GPD2: variants seen among roughly 807,000 people sequenced by gnomAD.
GPD2 encodes glycerol-3-phosphate dehydrogenase 2.
A neutral mutation model predicts 82.4 loss-of-function variants in GPD2; 54 were observed. That is an observed-to-expected ratio of 0.66 (90% confidence interval 0.53 to 0.82). GPD2 has a LOEUF of 0.82. GPD2 is among the 40% of genes least tolerant of loss of function. GPD2 has a pLI of 0.00. For synonymous variants in GPD2, 288 were observed against 306.1 expected, an observed-to-expected ratio of 0.94 and a Z score of 0.62; for missense variants, 748 against 896.2, an observed-to-expected ratio of 0.83 and a Z score of 2.11.
In GPD2 at chr2:156,586,288, T is replaced by C. The variant is rs1395123268; in HGVS notation, c.*3370T>C. ...AGTGAAATATCTACAGAGATAGATG[T>C]AATTTTATAAGACTGCCAGAATTAT... On this transcript the variant is annotated 3_prime_UTR_variant, in exon 17 of 17. Transcript: ENST00000438166. 1 of 152,334 alleles carries C rather than the reference T, an allele frequency of 6.6e-6. No individual in the cohort carries two copies. 9.4% of individuals were successfully genotyped at this position (152,334 alleles called of 1,614,324 possible).
intron 2 of GPD2, among the ~76,000 whole-genome samples, chr2:156,481,322 C>T (rs1303055917): frequency 6.6e-6 from 1 of 152,064 alleles, no homozygotes; most frequent in East Asian, 1.9e-4. Flanking sequence ...CATTAAAAAT[C>T]CTCTCTTGTA....
chr2:156,507,035 A>T (rs1226210139), intron 3 of GPD2, among the ~76,000 whole-genome samples: 1 of 151,678 alleles, frequency 6.6e-6, no homozygotes, highest in African/African-American at 2.4e-5. Context: ...TTTTCTTGAG[A>T]CGGAGTCTCA....
At chr2:156,430,950 A>G (rs1688309824), upstream of GPD2, among the ~76,000 whole-genome samples, 1 of 152,228 alleles carries the variant, frequency 6.6e-6, no homozygotes, top group Middle Eastern at 3.2e-3. Flanking sequence ...CTTCTTGCTC[A>G]TTTTGTTACA....
Position 156,550,756 on chromosome 2 carries a change from T to C in GPD2, c.971+10T>C, listed in dbSNP as rs199941903. 1.4e-5 allele frequency: 23 copies of C among 1,611,666 alleles called. No individual in the cohort carries two copies. In the East Asian group the frequency reaches 5.1e-4, roughly 36 times the overall value. ...TGCCTGGTTATTACAGGTAATTGTCTTCCAATGTGGCAGTTGTCACCCAAA... is the reference window on the plus strand; with the variant it reads ...TGCCTGGTTATTACAGGTAATTGTCCTCCAATGTGGCAGTTGTCACCCAAA... On this transcript the variant is annotated intron_variant, in intron 8 of 16. Coordinates refer to ENST00000438166, the MANE Select transcript of GPD2 (RefSeq NM_000408.5).
At chr2:156,461,035 G>A (rs1220772164) in intron 1 of GPD2, among the ~76,000 whole-genome samples, 1 of 151,996 alleles carries the variant, frequency 6.6e-6, no homozygotes, top group African/African-American at 2.4e-5. Context: ...GGGGGTCATT[G>A]GTGTCATTTG....
intron 8 of GPD2, among the ~76,000 whole-genome samples, chr2:156,554,143 C>T (rs1405892602): frequency 1.3e-5 from 2 of 152,204 alleles, no homozygotes; most frequent in East Asian, 3.8e-4. Context: ...GTACTTCTGG[C>T]ATCCCATAGG....
chr2:156,400,767 TG>T, the GPD2 span, among the ~76,000 whole-genome samples: 6 of 152,310 alleles, frequency 3.9e-5, no homozygotes, highest in Admixed American at 3.3e-4. Context: ...TGCTTTCGGC[TG>T]GGGGATGTAG....
intron 3 of GPD2, among the ~76,000 whole-genome samples, 180 bp from the exon 4 acceptor site, chr2:156,510,616 C>T (rs1684960361): frequency 6.6e-6 from 1 of 152,160 alleles, no homozygotes; most frequent in African/African-American, 2.4e-5. Context: ...GACTTTTCCC[C>T]CAGGAAGAGC....
chr2:156,572,146 T>G (rs1481185014), intron 13 of GPD2, among the ~76,000 whole-genome samples: 1 of 152,140 alleles, frequency 6.6e-6, no homozygotes, highest in Non-Finnish European at 1.5e-5. Context: ...CTCTTGGATC[T>G]CCTTTTACCT....
chr2:156,451,196 G>T (rs1682552405), intron 1 of GPD2, among the ~76,000 whole-genome samples: 1 of 152,066 alleles, frequency 6.6e-6, no homozygotes, highest in Non-Finnish European at 1.5e-5. Flanking sequence ...CCCAGACGGG[G>T]TGGTGGCCGG....
chr2:156,498,959 T>C (rs1684487031), intron 3 of GPD2, among the ~76,000 whole-genome samples: 1 of 152,180 alleles, frequency 6.6e-6, no homozygotes. Context: ...ACCAACCTAA[T>C]AGTAGAAGGC....
intron 8 of GPD2, among the ~76,000 whole-genome samples, chr2:156,552,328 C>G (rs1280730154): frequency 6.6e-6 from 1 of 152,110 alleles, no homozygotes; most frequent in Non-Finnish European, 1.5e-5. Flanking sequence ...TGACCAGAAG[C>G]TTAGTTCAAA....
chr2:156,511,015 A>C, intron 4 of GPD2, 95 bp downstream of exon 4: 1 of 1,052,928 alleles, frequency 9.5e-7, no homozygotes, highest in Non-Finnish European at 1.5e-6. Context: ...GCTTAAAAGC[A>C]TTTCTTCCTG....
intron 1 of GPD2, among the ~76,000 whole-genome samples, chr2:156,452,327 G>A (rs10933036): frequency 4.6e-5 from 7 of 152,266 alleles, no homozygotes; most frequent in African/African-American, 1.2e-4. Context: ...CGAGGCTGGC[G>A]GATCACTCGC....
intron 6 of GPD2, among the ~76,000 whole-genome samples, chr2:156,515,171 A>T (rs1685153806): frequency 6.6e-6 from 1 of 152,090 alleles, no homozygotes; most frequent in Non-Finnish European, 1.5e-5. Context: ...CTAGCACTTT[A>T]AGAGGCCAAG....
chr2:156,411,957 C>T, the GPD2 span, among the ~76,000 whole-genome samples: 1 of 152,152 alleles, frequency 6.6e-6, no homozygotes, highest in African/African-American at 2.4e-5. Context: ...GATATGAAGT[C>T]GCTTCTTTGT....
At chr2:156,423,608 C>G in the GPD2 span, among the ~76,000 whole-genome samples, 1 of 152,152 alleles carries the variant, frequency 6.6e-6, no homozygotes, top group African/African-American at 2.4e-5. Flanking sequence ...GCCGTTCTTT[C>G]CAACTTGGCT....
chr2:156,420,380 C>A, the GPD2 span, among the ~76,000 whole-genome samples: 10 of 151,986 alleles, frequency 6.6e-5, no homozygotes, highest in Non-Finnish European at 1.5e-4. Flanking sequence ...ACTCTGTTAG[C>A]CAGGATGGTC....
At chr2:156,418,086 G>T in the GPD2 span, among the ~76,000 whole-genome samples, 1 of 150,152 alleles carries the variant, frequency 6.7e-6, no homozygotes, top group Non-Finnish European at 1.5e-5. Flanking sequence ...ATGGTGGCAC[G>T]TGCCTGTAGT....
Sources: gnomAD v4.1 joint callset for allele counts (sites outside exome capture counted in the v4.1 genomes callset) on GRCh38, gnomAD v4.1.1 for gene constraint, MANE v1.5 for transcripts, NCBI Gene and HGNC (gene_info 2026-07-23, HGNC 2026-07-21) for gene names.